LMO7: variants seen among roughly 807,000 people sequenced by gnomAD.
LMO7 encodes LIM domain 7.
Under a neutral mutation model 206.5 loss-of-function variants are expected in LMO7, and 120 were observed. The ratio of observed to expected loss-of-function variants is 0.58; its 90% confidence interval spans 0.50 to 0.68. The LOEUF is 0.68. LMO7 is among the 30% of genes least tolerant of loss of function. The pLI is 0.00. For missense variants in LMO7, 1,959 were observed against 1,957.9 expected (o/e 1.00, Z -0.01); for synonymous variants, 706 against 681.5 (o/e 1.04, Z -0.56).
intron 11 of LMO7, 100 bp downstream of exon 11, chr13:75,809,283 G>A (rs545658541): frequency 4.0e-6 from 4 of 993,976 alleles, no homozygotes; most frequent in East Asian, 2.4e-5. Context: ...TGGGGTTGTT[G>A]TGTGCTGTGC....
chr13:75,684,893 G>T (rs1449142824), intron 1 of LMO7, among the ~76,000 whole-genome samples: 1 of 152,062 alleles, frequency 6.6e-6, no homozygotes, highest in Admixed American at 6.6e-5. Flanking sequence ...TCTCTTTAAG[G>T]CAAGAGCCCT....
chr13:75,663,055 A>G (rs1163363080), intron 1 of LMO7, among the ~76,000 whole-genome samples: 1 of 152,124 alleles, frequency 6.6e-6, no homozygotes, highest in Non-Finnish European at 1.5e-5. Context: ...CTAATTTTTA[A>G]TCCCAATATT....
chr13:75,739,538 C>G (rs982151451), intron 3 of LMO7, among the ~76,000 whole-genome samples: 3 of 152,194 alleles, frequency 2.0e-5, no homozygotes, highest in Non-Finnish European at 4.4e-5. Context: ...AAAGGCAAGT[C>G]TATGCATCCC....
At chr13:75,635,141 G>C (rs2035615922), upstream of LMO7, among the ~76,000 whole-genome samples, 2 of 152,130 alleles carry the variant, frequency 1.3e-5, no homozygotes, top group Admixed American at 1.3e-4. Context: ...GTTAAATACA[G>C]ACGCTAGGTT....
intron 1 of LMO7, among the ~76,000 whole-genome samples, chr13:75,700,852 G>A (rs191797554): frequency 6.6e-6 from 1 of 152,160 alleles, no homozygotes; most frequent in African/African-American, 2.4e-5. Context: ...CTTAAGAATT[G>A]TTTATTTCTG....
chr13:75,796,058 C>T (rs1277916693), intron 5 of LMO7, among the ~76,000 whole-genome samples: 1 of 152,104 alleles, frequency 6.6e-6, no homozygotes, highest in Admixed American at 6.5e-5. Flanking sequence ...GTTAGCAATA[C>T]GCTAAAGGCA....
intron 3 of LMO7, among the ~76,000 whole-genome samples, chr13:75,745,618 G>A (rs1211143304): frequency 6.6e-6 from 1 of 152,094 alleles, no homozygotes; most frequent in Non-Finnish European, 1.5e-5. Context: ...TTGTGGGGCT[G>A]TTATTGTATG....
chr13:75,836,920 A>G (rs1245097829), intron 19 of LMO7, among the ~76,000 whole-genome samples: 3 of 152,246 alleles, frequency 2.0e-5, no homozygotes, highest in Non-Finnish European at 4.4e-5. Context: ...ATGACAAAGA[A>G]GGCAAAATAT....
chr13:75,811,803 A>G (rs1196170975), intron 11 of LMO7, among the ~76,000 whole-genome samples: 1 of 152,206 alleles, frequency 6.6e-6, no homozygotes, highest in Non-Finnish European at 1.5e-5. Flanking sequence ...GAAGCAATTT[A>G]TGACAAATTT....
chr13:75,805,960 A>G, intron 9 of LMO7, 200 bp downstream of exon 9: 2 of 1,116,954 alleles, frequency 1.8e-6, no homozygotes, highest in Non-Finnish European at 2.4e-6. Context: ...GCCCTGTTCT[A>G]TACATAGTCA....
chr13:75,760,543 A>G (rs2048076247), intron 3 of LMO7: 2 of 1,289,798 alleles, frequency 1.6e-6, no homozygotes, highest in Non-Finnish European at 2.0e-6. Context: ...AGCTGGAGTT[A>G]TTTTTAAAGA....
exon 1 of LMO7, chr13:75,621,454 A>C (rs1293194384): frequency 1.2e-5 from 3 of 240,288 alleles, no homozygotes; most frequent in Non-Finnish European, 1.6e-5. Context: ...TTTTATGTGA[A>C]TCTTTTACTC....
intron 1 of LMO7, among the ~76,000 whole-genome samples, chr13:75,675,872 A>ATG (rs1231117522): frequency 3.4e-5 from 5 of 144,980 alleles, no homozygotes; most frequent in Non-Finnish European, 7.5e-5. Context: ...TCCTTGTAAA[A>ATG]CGCGTGCACG....
chr13:75,671,405 C>T (rs1594184434), intron 1 of LMO7, among the ~76,000 whole-genome samples: 1 of 152,084 alleles, frequency 6.6e-6, no homozygotes, highest in Non-Finnish European at 1.5e-5. Context: ...GTGATTGCTG[C>T]GATATCACTA....
At chr13:75,625,108 C>G (rs961751461) in intron 2 of LMO7, among the ~76,000 whole-genome samples, 5 of 152,150 alleles carry the variant, frequency 3.3e-5, no homozygotes, top group African/African-American at 1.2e-4. Flanking sequence ...GAATAAAACA[C>G]ATTCACACAA....
At chr13:75,623,895 A>G (rs181709750) in intron 2 of LMO7, among the ~76,000 whole-genome samples, 38 of 152,288 alleles carry the variant, frequency 2.5e-4, no homozygotes, top group African/African-American at 9.1e-4. Context: ...GTGGGAGAAT[A>G]CAATCAGTTT....
intron 30 of LMO7, chr13:75,857,203 C>T (rs1486437405): frequency 1.3e-5 from 2 of 152,216 alleles, no homozygotes; most frequent in African/African-American, 4.8e-5. Flanking sequence ...TGCATCTAAG[C>T]ATGTGTTTGT....
chr13:75,735,594 T>G (rs1169394023), intron 3 of LMO7, among the ~76,000 whole-genome samples: 1 of 151,608 alleles, frequency 6.6e-6, no homozygotes. Context: ...CCTGAGTAGC[T>G]GGGACTACAG....
chr13:75,669,130 A>G (rs1353488788), intron 1 of LMO7, among the ~76,000 whole-genome samples: 1 of 152,214 alleles, frequency 6.6e-6, no homozygotes, highest in Non-Finnish European at 1.5e-5. Flanking sequence ...AGTAACCAGT[A>G]AGAAAAAATT....
Sources: allele counts gnomAD v4.1 joint callset (sites outside exome capture counted in the v4.1 genomes callset), GRCh38; gene constraint gnomAD v4.1.1; transcripts MANE v1.5; gene names NCBI Gene and HGNC (gene_info 2026-07-23, HGNC 2026-07-21).